PPIL4: variants seen among roughly 807,000 people sequenced by gnomAD.
PPIL4 encodes peptidyl-prolyl cis-trans isomerase-like 4.
In PPIL4, 50 loss-of-function variants were observed where a neutral mutation model predicts 69.1. The observed-to-expected ratio is 0.72, with a 90% CI of 0.58 to 0.92. The LOEUF (loss-of-function observed/expected upper bound fraction) is 0.92, where lower values mean the gene tolerates loss of function less well. Among genes scored for constraint, PPIL4 ranks in the 40% least tolerant of loss-of-function variants. The pLI is 0.00. For missense variants in PPIL4, 480 were observed against 587.9 expected (o/e 0.82, Z 1.90); for synonymous variants, 193 against 191.6 (o/e 1.01, Z -0.06).
At chr6:149,519,882 AT>A (rs759456614) in intron 10 of PPIL4, among the ~76,000 whole-genome samples, 18 of 152,220 alleles carry the variant, frequency 1.2e-4, no homozygotes, top group Non-Finnish European at 1.9e-4. Context: ...GTGAGTAACT[AT>A]CAAAGTGAAA....
At chr6:149,531,363 CAAAAAAAAAA>C in intron 7 of PPIL4, among the ~76,000 whole-genome samples, 1 of 65,858 alleles carries the variant, frequency 1.5e-5, no homozygotes, top group African/African-American at 5.9e-5. Context: ...GATTCTGTCT[CAAAAAAAAAA>C]AAAAAAAAAA....
intron 4 of PPIL4, among the ~76,000 whole-genome samples, chr6:149,540,230 T>C (rs1401362689): frequency 6.6e-6 from 1 of 152,140 alleles, no homozygotes; most frequent in African/African-American, 2.4e-5. Flanking sequence ...CTCTAACAAG[T>C]AGGTCATTGG....
chr6:149,530,990 C>T (rs1777186942), intron 7 of PPIL4, among the ~76,000 whole-genome samples: 1 of 152,218 alleles, frequency 6.6e-6, no homozygotes, highest in Non-Finnish European at 1.5e-5. Flanking sequence ...GAGGACACAA[C>T]ATCACTCACG....
intron 7 of PPIL4, 147 bp downstream of exon 7, chr6:149,533,311 T>C (rs1777226382): frequency 3.5e-6 from 2 of 568,936 alleles, no homozygotes; most frequent in African/African-American, 1.9e-5. Flanking sequence ...AGAGCCAATT[T>C]ATTACTATGC....
At chr6:149,523,235 T>C (rs529218224) in intron 9 of PPIL4, among the ~76,000 whole-genome samples, 25 of 152,052 alleles carry the variant, frequency 1.6e-4, no homozygotes, top group Non-Finnish European at 3.2e-4. Context: ...GGAGAATCAC[T>C]TGAGCCCATG....
At chr6:149,537,453 A>G (rs1777295355) in intron 4 of PPIL4, among the ~76,000 whole-genome samples, 1 of 152,028 alleles carries the variant, frequency 6.6e-6, no homozygotes, top group Admixed American at 6.6e-5. Flanking sequence ...CACGCCTGTA[A>G]TCCCAGCACT....
At chr6:149,531,947 C>A (rs1447356404) in intron 7 of PPIL4, among the ~76,000 whole-genome samples, 1 of 152,190 alleles carries the variant, frequency 6.6e-6, no homozygotes, top group African/African-American at 2.4e-5. Context: ...GGATTACAGG[C>A]GTGAGCCACT....
chr6:149,507,097 T>G (rs1776780999), intron 12 of PPIL4, among the ~76,000 whole-genome samples: 1 of 152,192 alleles, frequency 6.6e-6, no homozygotes, highest in Non-Finnish European at 1.5e-5. Context: ...AGGACTAAAC[T>G]CCCAAGGGTC....
At chr6:149,540,133 T>TAAATA (rs1034433309) in intron 4 of PPIL4, among the ~76,000 whole-genome samples, 21 of 151,722 alleles carry the variant, frequency 1.4e-4, no homozygotes, top group South Asian at 4.2e-4. Context: ...TGTCTCTAAA[T>TAAATA]AAATAAAATA....
At chr6:149,510,172 A>G (rs1429907993) in intron 12 of PPIL4, among the ~76,000 whole-genome samples, 1 of 152,236 alleles carries the variant, frequency 6.6e-6, no homozygotes, top group Non-Finnish European at 1.5e-5. Flanking sequence ...AAACAGCTAA[A>G]GGGCTATAGA....
At chr6:149,522,055 TGAAGATATA>T (rs1777037727) in intron 9 of PPIL4, among the ~76,000 whole-genome samples, 1 of 152,224 alleles carries the variant, frequency 6.6e-6, no homozygotes, top group African/African-American at 2.4e-5. Flanking sequence ...ATAAAATCCA[TGAAGATATA>T]GACAAAGCTT....
chr6:149,520,937 TG>T, intron 10 of PPIL4, 122 bp downstream of exon 10: 1 of 592,550 alleles, frequency 1.7e-6, no homozygotes, highest in Non-Finnish European at 3.0e-6. Context: ...GGCTTGAACC[TG>T]GGAGACACAG....
At chr6:149,509,645 T>G (rs1285926691) in intron 12 of PPIL4, among the ~76,000 whole-genome samples, 1 of 152,182 alleles carries the variant, frequency 6.6e-6, no homozygotes, top group African/African-American at 2.4e-5. Context: ...AATATTATAC[T>G]ATGGGACAAA....
intron 12 of PPIL4, among the ~76,000 whole-genome samples, chr6:149,506,509 G>A (rs188440313): frequency 6.8e-4 from 103 of 152,270 alleles, no homozygotes; most frequent in African/African-American, 2.5e-3. Flanking sequence ...TTGGGTCTGA[G>A]CAATTAATTT....
At chr6:149,512,785 C>T (rs914382417) in intron 11 of PPIL4, among the ~76,000 whole-genome samples, 3 of 151,990 alleles carry the variant, frequency 2.0e-5, no homozygotes, top group African/African-American at 2.4e-5. Flanking sequence ...CCCTGTTGCC[C>T]GAGCTGGAGT....
chr6:149,520,328 G>A (rs1777009874), intron 10 of PPIL4, among the ~76,000 whole-genome samples: 1 of 151,992 alleles, frequency 6.6e-6, no homozygotes, highest in Non-Finnish European at 1.5e-5. Flanking sequence ...TGAGGAGCAG[G>A]AATGAATGAG....
intron 10 of PPIL4, among the ~76,000 whole-genome samples, chr6:149,520,174 A>G (rs1777008028): frequency 6.6e-6 from 1 of 152,218 alleles, no homozygotes; most frequent in Non-Finnish European, 1.5e-5. Flanking sequence ...AACAGTATGT[A>G]TAGCCTGCAT....
intron 4 of PPIL4, among the ~76,000 whole-genome samples, chr6:149,539,025 T>C (rs1015745877): frequency 3.3e-5 from 5 of 152,122 alleles, no homozygotes; most frequent in African/African-American, 1.2e-4. Context: ...TTTTGTATTT[T>C]TAGTAGAGAC....
At chr6:149,532,292 A>C (rs951739532) in intron 7 of PPIL4, among the ~76,000 whole-genome samples, 13 of 152,358 alleles carry the variant, frequency 8.5e-5, no homozygotes, top group African/African-American at 3.1e-4. Context: ...CTGAAAACAA[A>C]AAGTTTTAAA....
Sources: gnomAD v4.1 joint callset for allele counts (sites outside exome capture counted in the v4.1 genomes callset) on GRCh38, gnomAD v4.1.1 for gene constraint, MANE v1.5 for transcripts, NCBI Gene and HGNC (gene_info 2026-07-23, HGNC 2026-07-21) for gene names.